The following TCFL5 variants were observed in gnomAD, a reference collection of about 807,000 sequenced individuals.
TCFL5 encodes transcription factor-like 5 protein.
Under a neutral mutation model 44.3 loss-of-function variants are expected in TCFL5, and 9 were observed. The ratio of observed to expected loss-of-function variants is 0.20; its 90% CI spans 0.12 to 0.35. The LOEUF (loss-of-function observed/expected upper bound fraction) is 0.35, where lower values mean the gene tolerates loss of function less well. Among genes scored for constraint, TCFL5 ranks in the 10% least tolerant of loss-of-function variants. The pLI, the probability that TCFL5 is intolerant of heterozygous loss-of-function variation, is 1.00. For synonymous variants in TCFL5, 319 were observed against 271.6 expected (o/e 1.17, Z -1.72); for missense variants, 603 against 613.4 (o/e 0.98, Z 0.18).
In TCFL5 at chr20:62,841,882, A is replaced by G; in HGVS notation, c.*93T>C. ...GCTTGAGTCACGCCCTTTTCGAGTC[A>G]GACTAGCCGAGCAGAGCTCCAGGGT... On this transcript the variant is annotated 3_prime_UTR_variant, in exon 6 of 6. Coordinates refer to ENST00000335351, the MANE Select transcript of TCFL5 (RefSeq NM_006602.4). 1 of 1,530,848 alleles carries G rather than the reference A, an allele frequency of 6.5e-7. No homozygotes were observed. Among genetic ancestry groups the G allele is most frequent in the Non-Finnish European group, 8.8e-7 (1 of 1,135,038 alleles). The allele number at this position is 1,530,848 out of a possible 1,614,324, so 94.8% of individuals were successfully genotyped here.
intron 5 of TCFL5, among the ~76,000 whole-genome samples, chr20:62,850,704 A>T (rs1460616749): frequency 2.0e-5 from 3 of 152,034 alleles, no homozygotes; most frequent in Admixed American, 6.6e-5. Flanking sequence ...CGAGGCCCCC[A>T]ACCCTCAGGA....
intron 3 of TCFL5, among the ~76,000 whole-genome samples, chr20:62,858,708 A>C (rs2063935333): frequency 9.2e-6 from 1 of 108,752 alleles, no homozygotes; most frequent in African/African-American, 4.4e-5. Context: ...GGTGTTTCCC[A>C]GGGAGGAAGG....
rs1285601918 is a variant in TCFL5, at chr20:62,860,050, G to A, written c.831+75C>T. 4.9e-5 allele frequency: 70 copies of A among 1,442,794 alleles called. No individual in the cohort carries two copies. The East Asian group carries it at 1.6e-3, about 33-fold the overall frequency. 89.4% of individuals were successfully genotyped at this position (1,442,794 alleles called of 1,614,324 possible). A position where few individuals can be genotyped will look rare whatever the true frequency, so the allele number is the denominator to read the frequency against. ...TCACTGAAGGGAAAAAAAAGTACTT[G>A]GGACCTAACCAAAATAAGTTAAAAT... On this transcript the variant is annotated intron_variant, in intron 2 of 5. Transcript: ENST00000335351.
Position 62,859,499 on chromosome 20 carries a change from C to T in TCFL5, c.859G>A (p.Glu287Lys), listed in dbSNP as rs1259789802. The T allele has an allele frequency of 6.2e-7, 1 of 1,613,082 alleles. No individual in the cohort carries two copies. Among genetic ancestry groups the T allele is most frequent in the Non-Finnish European group, 8.5e-7 (1 of 1,179,802 alleles). Residue 287 changes from glutamate (E) to lysine (K), a missense_variant, in exon 3 of 6, where the codon GAA (glutamate) becomes AAA (lysine). Physicochemically the swap from Glu to Lys is moderately conservative, Grantham distance 56 (BLOSUM62 1). This residue lies in a region of TCFL5 where 540 missense variants were observed against 478.7 expected (regional missense o/e 1.13). Coordinates refer to ENST00000335351, the MANE Select transcript of TCFL5 (RefSeq NM_006602.4). ...QSSSNSCSVL[E>K]AAKHQDIGLP... Reference sequence around the variant, plus strand: ...CCAATATCCTGGTGCTTGGCAGCTTCAAGTACAGAACATGAGTTACTAGAA... The same window carrying T: ...CCAATATCCTGGTGCTTGGCAGCTTTAAGTACAGAACATGAGTTACTAGAA...
At chr20:62,844,283 A>C (rs898831123) in intron 5 of TCFL5, among the ~76,000 whole-genome samples, 5 of 152,204 alleles carry the variant, frequency 3.3e-5, no homozygotes, top group African/African-American at 4.8e-5. Flanking sequence ...TATGTGTAAA[A>C]GTAGTATCTC....
intron 4 of TCFL5, among the ~76,000 whole-genome samples, chr20:62,855,635 G>A (rs977646886): frequency 5.3e-5 from 8 of 152,130 alleles, no homozygotes; most frequent in Non-Finnish European, 7.3e-5. Context: ...GCGTGGTGAC[G>A]CATGCCTGTA....
chr20:62,856,265 A>AG (rs1477979927), intron 4 of TCFL5, among the ~76,000 whole-genome samples: 91 of 149,836 alleles, frequency 6.1e-4, no homozygotes, highest in African/African-American at 2.2e-3. Context: ...AAAAAAAAAA[A>AG]AAAAAGAAAA....
At position 62,855,492 on chromosome 20, in the gene TCFL5, C is replaced by A. The variant is rs897473098; in HGVS notation, c.1239-1335G>T. Among the ~76,000 whole-genome samples, 6 of 152,326 alleles carry A rather than the reference C, an allele frequency of 3.9e-5. 2 individuals carry two copies. Among genetic ancestry groups the A allele is most frequent in the East Asian group, 1.9e-4 (1 of 5,188 alleles). ...CTTTAAAAGAAATTGCCATGCCAGG[C>A]GCAGTGGCTCAAGCCTGTAATCCCA... On this transcript the variant is annotated intron_variant, in intron 4 of 5. Coordinates refer to ENST00000335351, the MANE Select transcript of TCFL5 (RefSeq NM_006602.4).
chr20:62,850,390 A>T (rs2063792198), intron 5 of TCFL5, among the ~76,000 whole-genome samples: 1 of 151,510 alleles, frequency 6.6e-6, no homozygotes, highest in African/African-American at 2.4e-5. Context: ...GAATGCCGAG[A>T]TCCTGCTTCT....
At chr20:62,860,921 TG>T in intron 1 of TCFL5, 102 bp downstream of exon 1, 3 of 898,792 alleles carry the variant, frequency 3.3e-6, no homozygotes, top group Admixed American at 6.1e-5. Context: ...GAGGGCAGGC[TG>T]GGGGCGTGCA....
At chr20:62,853,113 C>A in intron 5 of TCFL5, among the ~76,000 whole-genome samples, 1 of 150,418 alleles carries the variant, frequency 6.6e-6, no homozygotes, top group African/African-American at 2.5e-5. Context: ...GCATAGTCAC[C>A]CGGTCCACAG....
chr20:62,845,632 G>A (rs1203445345), intron 5 of TCFL5: 1 of 1,599,664 alleles, frequency 6.3e-7, no homozygotes, highest in Non-Finnish European at 8.5e-7. Context: ...CGGACTGCTG[G>A]GGCGTCACCC....
chr20:62,857,278 C>T, intron 4 of TCFL5, 117 bp downstream of exon 4: 2 of 1,405,410 alleles, frequency 1.4e-6, no homozygotes, highest in South Asian at 2.7e-5. Context: ...AACGATGCTC[C>T]TACCTGCTTT....
At position 62,861,326 on chromosome 20, in the gene TCFL5, C is replaced by G; in HGVS notation, c.345G>C (p.Ala115=). The G allele has an allele frequency of 1.7e-6, 2 of 1,146,592 alleles. No individual in the cohort carries two copies. Among genetic ancestry groups the G allele is most frequent in the Non-Finnish European group, 2.2e-6 (2 of 922,442 alleles). The allele number at this position is 1,146,592 out of a possible 1,614,324, so 71.0% of individuals were successfully genotyped here. A position where few individuals can be genotyped will look rare whatever the true frequency, so the allele number is the denominator to read the frequency against. The change falls in exon 1 of 6, where the codon GCG becomes GCC. Residue 115 remains alanine, a synonymous_variant. Transcript: ENST00000335351. This position sits in a 1 kb window ranked among gnomAD's most constrained non-coding sequence, Gnocchi z 4.0. ...TGTGGCCCAGGCAGGGCGCGTCGGC[C>G]GCCAGCGCGGACGGGCACAGCACGG... ...VYPVLCPSAL[A]ADAPCLGHID...
intron 1 of TCFL5, among the ~76,000 whole-genome samples, chr20:62,860,574 C>CAACT (rs1198638736): frequency 1.3e-5 from 2 of 152,246 alleles, no homozygotes; most frequent in Non-Finnish European, 2.9e-5. Flanking sequence ...CCACGATGGG[C>CAACT]AACTACAGGC....
rs1379589754 is a variant in TCFL5 at position 62,860,249 on chromosome 20, T to C, written c.707A>G (p.Asn236Ser). Residue 236 changes from asparagine (N) to serine (S), a missense_variant, in exon 2 of 6, where the codon AAC (asparagine) becomes AGC (serine). Physicochemically the swap from Asn to Ser is conservative, Grantham distance 46 (BLOSUM62 1). This residue lies in a region of TCFL5 where 540 missense variants were observed against 478.7 expected (regional missense o/e 1.13). Coordinates refer to ENST00000335351, the MANE Select transcript of TCFL5 (RefSeq NM_006602.4). ...ATTTTTCACTAATGCTGTACATTTG[T>C]TTTGTTGCTGAAGAGGAACATTCAT... The part of the protein sequence containing the change: ...ELMNVPLQQQ[N>S]KCTALVKNKT... 1 of 1,613,794 alleles carries C rather than the reference T, an allele frequency of 6.2e-7. No individual in the cohort carries two copies. The highest frequency in any genetic ancestry group is 1.1e-5 in the South Asian group (1 of 91,072).
chr20:62,841,770 C>T lies in TCFL5; in HGVS notation c.*205G>A. 2.1e-6 allele frequency: 1 copy of T among 480,136 alleles called. No individual in the cohort carries two copies. Among genetic ancestry groups the T allele is most frequent in the Admixed American group, 3.9e-5 (1 of 25,574 alleles). 29.7% of individuals were successfully genotyped at this position (480,136 alleles called of 1,614,324 possible). On this transcript the variant is annotated 3_prime_UTR_variant, in exon 6 of 6. Coordinates refer to ENST00000335351, the MANE Select transcript of TCFL5 (RefSeq NM_006602.4). ...TAAGATGGCTTCATCCCCAAATGGT[C>T]TAAGAGGACATTCATGGATAAGCAT... is the stretch of plus-strand genomic sequence containing the variant.
chr20:62,854,555 C>G (rs960260150), intron 4 of TCFL5, among the ~76,000 whole-genome samples: 1 of 152,230 alleles, frequency 6.6e-6, no homozygotes, highest in African/African-American at 2.4e-5. Flanking sequence ...GCAGATAACT[C>G]TGTCATTCAA....
chr20:62,860,849 C>G (rs1418332959), intron 1 of TCFL5, among the ~76,000 whole-genome samples, 175 bp downstream of exon 1: 1 of 152,126 alleles, frequency 6.6e-6, no homozygotes, highest in Admixed American at 6.5e-5. Flanking sequence ...GGGGCCCGCA[C>G]AGCGCACACA....
Sources: allele counts gnomAD v4.1 joint callset (sites outside exome capture counted in the v4.1 genomes callset), GRCh38; gene constraint gnomAD v4.1.1; regional missense constraint gnomAD v4.1.1; non-coding constraint Gnocchi (gnomAD v3.1); transcripts MANE v1.5; gene names NCBI Gene and HGNC (gene_info 2026-07-23, HGNC 2026-07-21).